The following APC variants were observed in gnomAD, a reference collection of about 807,000 sequenced individuals.
APC encodes the protein adenomatous polyposis coli protein.
A neutral mutation model predicts 247.0 loss-of-function variants in APC; 72 were observed. That is an observed-to-expected ratio of 0.29 (90% CI 0.24 to 0.35). The LOEUF (loss-of-function observed/expected upper bound fraction) is 0.35, where lower values mean the gene tolerates loss of function less well. APC is among the 10% of genes least tolerant of loss of function. APC has a pLI of 1.00. For missense variants in APC, 3,400 were observed against 3,360.7 expected, an observed-to-expected ratio of 1.01 and a Z score of -0.29; for synonymous variants, 1,254 against 1,162.5, an observed-to-expected ratio of 1.08 and a Z score of -1.60.
chr5:112,807,302 G>A (rs1349539253), intron 8 of APC, among the ~76,000 whole-genome samples: 1 of 152,000 alleles, frequency 6.6e-6, no homozygotes, highest in Non-Finnish European at 1.5e-5. Context: ...GGGAGTTCTG[G>A]GTTTTTGTAA....
intron 14 of APC, 47 bp downstream of exon 14, chr5:112,829,019 C>G (rs78091542): frequency 7.8e-7 from 1 of 1,288,762 alleles, no homozygotes; most frequent in East Asian, 2.3e-5. Flanking sequence ...TCATGTTTGG[C>G]TTTTTTTTGC....
At chr5:112,744,531 G>A (rs1753419944) in intron 1 of APC, among the ~76,000 whole-genome samples, 1 of 152,216 alleles carries the variant, frequency 6.6e-6, no homozygotes, top group African/African-American at 2.4e-5. Flanking sequence ...AGGCCAAATT[G>A]TATAGTATTT....
At chr5:112,755,580 G>A (rs955510843) in intron 2 of APC, among the ~76,000 whole-genome samples, 11 of 152,060 alleles carry the variant, frequency 7.2e-5, no homozygotes, top group African/African-American at 2.7e-4. Context: ...GCAAGTACAG[G>A]CATCACACTA....
intron 1 of APC, among the ~76,000 whole-genome samples, chr5:112,730,694 A>G (rs1178793511): frequency 6.6e-6 from 1 of 152,130 alleles, no homozygotes; most frequent in African/African-American, 2.4e-5. Context: ...GTTTTTCTTA[A>G]GGACCCTCCC....
At chr5:112,811,393 T>G (rs752697808) in intron 8 of APC, among the ~76,000 whole-genome samples, 1 of 152,208 alleles carries the variant, frequency 6.6e-6, no homozygotes, top group Non-Finnish European at 1.5e-5. Context: ...TATTAATCAT[T>G]TCTTGTGGAT....
At chr5:112,780,261 C>A (rs1023934782) in intron 5 of APC, among the ~76,000 whole-genome samples, 3 of 152,096 alleles carry the variant, frequency 2.0e-5, no homozygotes, top group African/African-American at 7.2e-5. Context: ...TTATGATTAT[C>A]TTTCTTACAT....
At chr5:112,789,639 C>G (rs1580412907) in intron 6 of APC, among the ~76,000 whole-genome samples, 1 of 152,078 alleles carries the variant, frequency 6.6e-6, no homozygotes, top group East Asian at 1.9e-4. Context: ...TATATAGAAA[C>G]TGATTATATA....
At chr5:112,761,615 AAAAC>A (rs967391733) in intron 2 of APC, among the ~76,000 whole-genome samples, 1 of 152,220 alleles carries the variant, frequency 6.6e-6, no homozygotes, top group Non-Finnish European at 1.5e-5. Context: ...AAAAATGGAA[AAAAC>A]AAAAAAGACA....
Position 112,837,596 on chromosome 5 carries a change from C to T in APC, c.2002C>T (p.His668Tyr), listed in dbSNP as rs876660307. 1.9e-6 allele frequency: 3 copies of T among 1,612,270 alleles called. No individual in the cohort carries two copies. The highest frequency in any genetic ancestry group is 2.5e-6 in the Non-Finnish European group (3 of 1,178,506). ...ENNCLQTLLQ[H>Y]LKSHSLTIVS... ...CAACTGTCTACAAACTTTATTACAA[C>T]ACTTAAAATCTCATAGTTTGACAAT... Residue 668 changes from histidine to tyrosine, a missense_variant, in exon 16 of 16, where the codon CAC becomes TAC. His to Tyr is a moderately conservative substitution (Grantham distance 83). Coordinates refer to ENST00000257430, the MANE Select transcript of APC (RefSeq NM_000038.6).
rs1765243876 is a variant in APC at position 112,838,276 on chromosome 5, G to A, written c.2682G>A (p.Val894=). The change falls in exon 16 of 16, where the codon GTG becomes GTA. Residue 894 remains valine (V), a synonymous_variant. Coordinates refer to ENST00000257430, the MANE Select transcript of APC (RefSeq NM_000038.6). ...AAQIAKVMEE[V]SAIHTSQEDR... is the part of the protein sequence containing the mutation. Reference sequence around the variant, plus strand: ...AGATTGCCAAAGTCATGGAAGAAGTGTCAGCCATTCATACCTCTCAGGAAG... The same window carrying A: ...AGATTGCCAAAGTCATGGAAGAAGTATCAGCCATTCATACCTCTCAGGAAG... The A allele has an allele frequency of 6.2e-7, 1 of 1,614,104 alleles. No homozygotes were observed. The highest frequency in any genetic ancestry group is 1.1e-5 in the South Asian group (1 of 91,084).
Position 112,819,263 on chromosome 5 carries a change from G to C in APC, c.1231G>C (p.Glu411Gln), listed in dbSNP as rs2149782857. Residue 411 changes from glutamate (E) to glutamine (Q), a missense_variant, in exon 10 of 16, where the codon GAA becomes CAA. Physicochemically the swap from Glu to Gln is conservative, Grantham distance 29. Transcript: ENST00000257430. ...RREIRVLHLL[E>Q]QIRAYCETCW... ...TGAAATCCGAGTCCTTCATCTTTTG[G>C]AACAGATACGCGCTTACTGTGAAAC... 3 of 1,614,012 alleles carry C rather than the reference G, an allele frequency of 1.9e-6. No homozygotes were observed. Among genetic ancestry groups the C allele is most frequent in the South Asian group, 1.1e-5 (1 of 91,070 alleles).
Position 112,838,339 on chromosome 5 carries a change from G to A in APC, c.2745G>A (p.Val915=), listed in dbSNP as rs761286097. Residue 915 remains valine (V), a synonymous_variant, in exon 16 of 16, where the codon GTG becomes GTA. Transcript: ENST00000257430. The stretch of plus-strand genomic sequence containing the variant: ...GGTCTACCACTGAATTACATTGTGT[G>A]ACAGATGAGAGAAATGCACTTAGAA... The part of the protein sequence containing the change: ...SSGSTTELHC[V]TDERNALRRS... 8.1e-6 allele frequency: 13 copies of A among 1,614,094 alleles called. No individual in the cohort carries two copies. The highest frequency in any genetic ancestry group is 6.7e-5 in the Admixed American group (4 of 60,002).
At chr5:112,731,073 A>G (rs1752073576) in intron 1 of APC, among the ~76,000 whole-genome samples, 1 of 151,884 alleles carries the variant, frequency 6.6e-6, no homozygotes, top group Non-Finnish European at 1.5e-5. Flanking sequence ...TATATATCAT[A>G]TAATTATATT....
chr5:112,804,079 G>A (rs1308031699), intron 8 of APC, among the ~76,000 whole-genome samples: 1 of 152,050 alleles, frequency 6.6e-6, no homozygotes, highest in Non-Finnish European at 1.5e-5. Context: ...CATTCCTTTG[G>A]TCTAAAACTG....
At chr5:112,782,954 A>T (rs1311682455) in intron 6 of APC, among the ~76,000 whole-genome samples, 2 of 152,228 alleles carry the variant, frequency 1.3e-5, no homozygotes, top group Non-Finnish European at 2.9e-5. Flanking sequence ...TTAGATTTTC[A>T]TGGAATTATT....
At chr5:112,781,763 A>ATTTTTTTTTTTTTTTTTTTTT (rs571711088) in intron 6 of APC, among the ~76,000 whole-genome samples, 1 of 143,386 alleles carries the variant, frequency 7.0e-6, no homozygotes, top group Non-Finnish European at 1.5e-5. Context: ...AAACATAATG[A>ATTTTTTTTTTTTTTTTTTTTT]TTTTTTTTTT....
chr5:112,738,372 A>G (rs1352728379), intron 1 of APC: 1 of 985,666 alleles, frequency 1.0e-6, no homozygotes, highest in Non-Finnish European at 1.2e-6. Flanking sequence ...ATTGGTGGCC[A>G]AAAGAGAGAG....
Position 112,801,317 on chromosome 5 carries a change from T to C in APC, c.768T>C (p.Asp256=), listed in dbSNP as rs764268036. 2 of 1,613,042 alleles carry C rather than the reference T, an allele frequency of 1.2e-6. No individual in the cohort carries two copies. Among genetic ancestry groups the C allele is most frequent in the Non-Finnish European group, 1.7e-6 (2 of 1,179,324 alleles). The change falls in exon 8 of 16, where the codon GAT becomes GAC. Residue 256 remains aspartate, a synonymous_variant. Transcript: ENST00000257430. ...SQNKHETGSH[D]AERQNEGQGV... is the part of the protein sequence containing the mutation. ...ACAAGCATGAAACCGGCTCACATGATGCTGAGCGGCAGAATGAAGGTCAAG... is the reference window on the plus strand; with the variant it reads ...ACAAGCATGAAACCGGCTCACATGACGCTGAGCGGCAGAATGAAGGTCAAG...
chr5:112,829,584 C>G (rs1764104482), intron 14 of APC: 1 of 153,752 alleles, frequency 6.5e-6, no homozygotes, highest in African/African-American at 2.4e-5. Flanking sequence ...ACATTTTTGA[C>G]CAGATAATTC....
Sources: gnomAD v4.1 joint callset for allele counts (sites outside exome capture counted in the v4.1 genomes callset) on GRCh38, gnomAD v4.1.1 for gene constraint, MANE v1.5 for transcripts, NCBI Gene and HGNC (gene_info 2026-07-23, HGNC 2026-07-21) for gene names.